COX7A2: variants seen among roughly 807,000 people sequenced by gnomAD.
COX7A2 encodes cytochrome c oxidase subunit 7A2, also known as cytochrome c oxidase subunit 7A2, mitochondrial.
In COX7A2, 11 loss-of-function variants were observed where a neutral mutation model predicts 11.6. That is an observed-to-expected ratio of 0.95 (90% CI 0.60 to 1.57). The LOEUF (loss-of-function observed/expected upper bound fraction) is 1.57, where lower values mean the gene tolerates loss of function less well. Among genes scored for constraint, COX7A2 ranks in the 40% most tolerant of loss-of-function variants. The pLI, the probability that COX7A2 is intolerant of heterozygous loss-of-function variation, is 0.00. For missense variants in COX7A2, 106 were observed against 100.9 expected (o/e 1.05, Z -0.22); for synonymous variants, 30 against 38.2 (o/e 0.78, Z 0.79).
At position 75,243,781 on chromosome 6, in the gene COX7A2, G is replaced by T. The variant is rs200753352; in HGVS notation, c.-47C>A. ...ACCGCCACAACTGAACACCACCAAC[G>T]AAAATGGCCACGCCGGAACCGGAAC... On this transcript the variant is annotated 5_prime_UTR_variant, in exon 1 of 4. Coordinates refer to ENST00000684430, the MANE Select transcript of COX7A2 (RefSeq NM_001366293.2). The T allele has an allele frequency of 1.4e-4, 221 of 1,613,948 alleles. 1 individual carries two copies. Among genetic ancestry groups the T allele is most frequent in the Admixed American group, 1.8e-4 (11 of 60,004 alleles).
upstream of COX7A2, chr6:75,243,962 T>C: frequency 1.3e-6 from 1 of 755,182 alleles, no homozygotes; most frequent in East Asian, 2.8e-5. Flanking sequence ...GTGATCTCGT[T>C]CCTGACCTTT....
chr6:75,242,974 G>T (rs1337738134), intron 1 of COX7A2, among the ~76,000 whole-genome samples: 1 of 152,072 alleles, frequency 6.6e-6, no homozygotes, highest in African/African-American at 2.4e-5. Flanking sequence ...TTTAAAGAGG[G>T]TATACATCTT....
At chr6:75,248,083 T>TAACCTAAACA (rs1408215903), upstream of COX7A2, among the ~76,000 whole-genome samples, 81 of 7,878 alleles carry the variant, frequency 0.01, 25 homozygotes, top group East Asian at 0.038. Flanking sequence ...TCCTTTATCT[T>TAACCTAAACA]TTTTTTTTTT....
At chr6:75,244,222 G>C (rs927424047), upstream of COX7A2, among the ~76,000 whole-genome samples, 1 of 152,124 alleles carries the variant, frequency 6.6e-6, no homozygotes, top group African/African-American at 2.4e-5. Context: ...CCTCTTACGC[G>C]GATACAGTCA....
At position 75,243,039 on chromosome 6, in the gene COX7A2, T is replaced by A. The variant is rs186179335; in HGVS notation, c.18+678A>T. ...GTTGAATTAAATAATGAAACAAATA[T>A]GCTCTCGATTTTCTAAAATTACATT... is the stretch of plus-strand genomic sequence containing the variant. On this transcript the variant is annotated intron_variant, in intron 1 of 3. Transcript: ENST00000684430. Among the ~76,000 whole-genome samples the A allele has an allele frequency of 5.1e-4, 78 of 152,306 alleles. 1 individual carries two copies. Among genetic ancestry groups the A allele is most frequent in the African/African-American group, 1.7e-3 (69 of 41,562 alleles).
Position 75,241,225 on chromosome 6 carries a change from G to A in COX7A2, c.59C>T (p.Ser20Phe). 6.3e-7 allele frequency: 1 copy of A among 1,594,412 alleles called. No homozygotes were observed. The highest frequency in any genetic ancestry group is 2.2e-5 in the East Asian group (1 of 44,650). ...QIGQRTISTASRRHFKNKVPE... is the reference protein window; with the variant it reads ...QIGQRTISTAFRRHFKNKVPE... ...AACTTTATTTTTAAAATGCCTGCGG[G>A]AAGCAGTGCTTATCGTCCTCTGCCC... The change falls in exon 2 of 4, where the codon TCC becomes TTC. Residue 20 changes from serine to phenylalanine, a missense_variant. Transcript: ENST00000684430.
chr6:75,245,468 G>A (rs1771661507), upstream of COX7A2, among the ~76,000 whole-genome samples: 1 of 145,020 alleles, frequency 6.9e-6, no homozygotes, highest in African/African-American at 2.6e-5. Context: ...TCCAGCCTGG[G>A]CGACAGAGTG....
chr6:75,241,246 T>C lies in COX7A2; in HGVS notation c.38A>G (p.Gln13Arg), dbSNP rs1281837051. Residue 13 changes from glutamine to arginine, a missense_variant, in exon 2 of 4, where the codon CAG becomes CGG. Gln to Arg is a conservative substitution (Grantham distance 43). Coordinates refer to ENST00000684430, the MANE Select transcript of COX7A2 (RefSeq NM_001366293.2). ...RNLLALRQIG[Q>R]RTISTASRRH... Reference sequence around the variant, plus strand: ...GCGGGAAGCAGTGCTTATCGTCCTCTGCCCAATCTGACGAAGAGCCTAAAA... The same window carrying C: ...GCGGGAAGCAGTGCTTATCGTCCTCCGCCCAATCTGACGAAGAGCCTAAAA... 2 of 1,552,844 alleles carry C rather than the reference T, an allele frequency of 1.3e-6. No individual in the cohort carries two copies. Among genetic ancestry groups the C allele is most frequent in the Admixed American group, 1.7e-5 (1 of 58,766 alleles).
At chr6:75,242,997 C>T (rs1445154918) in intron 1 of COX7A2, among the ~76,000 whole-genome samples, 1 of 152,156 alleles carries the variant, frequency 6.6e-6, no homozygotes, top group Non-Finnish European at 1.5e-5. Flanking sequence ...AAAGAAGAGA[C>T]ATGCACTACA....
chr6:75,246,836 C>A (rs1487260858), upstream of COX7A2, among the ~76,000 whole-genome samples: 1 of 152,168 alleles, frequency 6.6e-6, no homozygotes, highest in African/African-American at 2.4e-5. Context: ...AATTTGCCTG[C>A]GTACCTAACA....
chr6:75,239,743 A>G (rs997103092), intron 3 of COX7A2, among the ~76,000 whole-genome samples: 3 of 152,226 alleles, frequency 2.0e-5, no homozygotes, highest in African/African-American at 7.2e-5. Flanking sequence ...ACTGCCATCA[A>G]TGGGACTCAG....
Position 75,240,991 on chromosome 6 carries a change from T to G in COX7A2, c.108+185A>C, listed in dbSNP as rs1771485313. ...CAAACTACTTATAAAGGTAAATTGCTCTGCTCCACCAGGTCTTTCCCCAAG... is the reference window on the plus strand; with the variant it reads ...CAAACTACTTATAAAGGTAAATTGCGCTGCTCCACCAGGTCTTTCCCCAAG... On this transcript the variant is annotated intron_variant, in intron 2 of 3. Coordinates refer to ENST00000684430, the MANE Select transcript of COX7A2 (RefSeq NM_001366293.2). 5.0e-6 allele frequency: 3 copies of G among 595,192 alleles called. No homozygotes were observed. In the South Asian group the frequency reaches 1.4e-4, roughly 28 times the overall value. 36.9% of individuals were successfully genotyped at this position (595,192 alleles called of 1,614,324 possible).
upstream of COX7A2, chr6:75,243,811 T>C: frequency 6.2e-7 from 1 of 1,613,994 alleles, no homozygotes; most frequent in Non-Finnish European, 8.5e-7. Context: ...CGGAACTACC[T>C]CCGAGTCTTG....
At position 75,237,883 on chromosome 6, in the gene COX7A2, A is replaced by G; in HGVS notation, c.*47T>C. The G allele has an allele frequency of 6.9e-7, 1 of 1,457,988 alleles. No homozygotes were observed. 90.3% of individuals were successfully genotyped at this position (1,457,988 alleles called of 1,614,324 possible). A position where few individuals can be genotyped will look rare whatever the true frequency, so the allele number is the denominator to read the frequency against. On this transcript the variant is annotated 3_prime_UTR_variant, in exon 4 of 4. Transcript: ENST00000684430. ...GTTATTTATCAGATTACTGGTCCAT[A>G]GAGAGCTGAATGAAACTGAACCAAG...
upstream of COX7A2, chr6:75,244,090 A>G (rs1771625532): frequency 6.4e-6 from 2 of 314,308 alleles, no homozygotes; most frequent in Non-Finnish European, 1.2e-5. Flanking sequence ...AAAGAAAACT[A>G]GTGTCTGTTT....
chr6:75,241,096 C>T (rs1771487646), intron 2 of COX7A2, 80 bp downstream of exon 2: 1 of 1,510,486 alleles, frequency 6.6e-7, no homozygotes, highest in Non-Finnish European at 9.0e-7. Flanking sequence ...CTAATTTATA[C>T]ACATACTTGT....
upstream of COX7A2, chr6:75,243,817 T>A (rs1771609758): frequency 1.2e-6 from 2 of 1,613,798 alleles, no homozygotes; most frequent in Non-Finnish European, 1.7e-6. Context: ...TACCTCCGAG[T>A]CTTGCGTATG....
intron 1 of COX7A2, among the ~76,000 whole-genome samples, chr6:75,242,841 A>G (rs1188619591): frequency 8.8e-5 from 12 of 135,720 alleles, no homozygotes; most frequent in Admixed American, 8.3e-4. Flanking sequence ...AAAATAAAAT[A>G]AAATAAAATA....
At chr6:75,239,236 G>C (rs1165906941) in intron 3 of COX7A2, among the ~76,000 whole-genome samples, 3 of 152,168 alleles carry the variant, frequency 2.0e-5, no homozygotes, top group Non-Finnish European at 4.4e-5. Flanking sequence ...GGGAAGGAGG[G>C]GACAGTCTTG....
Sources: allele counts gnomAD v4.1 joint callset (sites outside exome capture counted in the v4.1 genomes callset), GRCh38; gene constraint gnomAD v4.1.1; transcripts MANE v1.5; gene names NCBI Gene and HGNC (gene_info 2026-07-23, HGNC 2026-07-21).